The following SPATC1L variants were observed in gnomAD, a reference collection of about 807,000 sequenced individuals.
SPATC1L encodes the protein speriolin-like protein.
Under a neutral mutation model 21.2 loss-of-function variants are expected in SPATC1L, and 20 were observed. The observed-to-expected ratio is 0.94, with a 90% CI of 0.66 to 1.37. The LOEUF (loss-of-function observed/expected upper bound fraction) is 1.37. SPATC1L is among the 40% of genes most tolerant of loss of function. The pLI, the probability that SPATC1L is intolerant of heterozygous loss-of-function variation, is 0.00. For synonymous variants in SPATC1L, 290 were observed against 234.5 expected (o/e 1.24, Z -2.16); for missense variants, 499 against 478.7 (o/e 1.04, Z -0.40).
chr21:46,162,246 A>G (rs2079504841), intron 3 of SPATC1L, among the ~76,000 whole-genome samples, 179 bp from the exon 4 acceptor site: 1 of 152,102 alleles, frequency 6.6e-6, no homozygotes, highest in African/African-American at 2.4e-5. Context: ...GCCAAAGGGC[A>G]AGCCAGCCTT....
At chr21:46,164,189 G>A (rs1004672300) in intron 3 of SPATC1L, among the ~76,000 whole-genome samples, 5 of 151,984 alleles carry the variant, frequency 3.3e-5, no homozygotes, top group South Asian at 2.1e-4. Flanking sequence ...GGTGGTGGGG[G>A]GTTGGTAGAG....
chr21:46,176,158 T>C (rs1328035438), intron 2 of SPATC1L, among the ~76,000 whole-genome samples: 6 of 152,100 alleles, frequency 3.9e-5, no homozygotes, highest in Admixed American at 3.9e-4. Flanking sequence ...TACCTCAAAA[T>C]AGTAAGAGCT....
At chr21:46,161,867 G>T in intron 4 of SPATC1L, 49 bp downstream of exon 4, 1 of 1,586,596 alleles carries the variant, frequency 6.3e-7, no homozygotes. Context: ...CACAGGGACG[G>T]ACCGAGCGCC....
At position 46,168,651 on chromosome 21, in the gene SPATC1L, A is replaced by G. The variant is rs2079559548; in HGVS notation, c.201T>C (p.Asp67=). The change falls in exon 3 of 5, where the codon GAT becomes GAC. Residue 67 remains aspartate (D), a synonymous_variant. Coordinates refer to ENST00000291672, the MANE Select transcript of SPATC1L (RefSeq NM_001142854.2). ...CGGCAACACTCGTGAACCTTCCGAAATCTGGAACTGAGGCGGGGAGGAAAG... is the reference window on the plus strand; with the variant it reads ...CGGCAACACTCGTGAACCTTCCGAAGTCTGGAACTGAGGCGGGGAGGAAAG... ...EAGSPGSGVP[D]FGRFTSVADT... is the part of the protein sequence containing the mutation. The G allele has an allele frequency of 7.3e-7, 1 of 1,361,432 alleles. No individual in the cohort carries two copies. Among genetic ancestry groups the G allele is most frequent in the Admixed American group, 3.1e-5 (1 of 32,418 alleles). 84.3% of individuals were successfully genotyped at this position (1,361,432 alleles called of 1,614,324 possible).
At position 46,182,627 on chromosome 21, in the gene SPATC1L, C is replaced by T. The variant is rs549793422; in HGVS notation, c.190G>A (p.Gly64Arg). 4.6e-3 allele frequency: 6,953 copies of T among 1,502,056 alleles called. 34 individuals carry two copies. The highest frequency in any genetic ancestry group is 4.6e-3 in the Non-Finnish European group (5,123 of 1,125,652). 93.0% of individuals were successfully genotyped at this position (1,502,056 alleles called of 1,614,324 possible). A position where few individuals can be genotyped will look rare whatever the true frequency, so the allele number is the denominator to read the frequency against. ...TCTGAGCTGGGCGGCGCCTCACCTCCGCTCCCGGGGGAGCCGGCCTCAGGG... is the reference window on the plus strand; with the variant it reads ...TCTGAGCTGGGCGGCGCCTCACCTCTGCTCCCGGGGGAGCCGGCCTCAGGG... ...AYPEAGSPGS[G>R]VPDFGRFTSV... Residue 64 changes from glycine to arginine, a missense_variant, in exon 2 of 5, where the codon GGA becomes AGA. Gly to Arg is a moderately radical substitution (Grantham distance 125, BLOSUM62 -2). Transcript: ENST00000291672.
chr21:46,163,670 C>A (rs1481034112), intron 3 of SPATC1L, among the ~76,000 whole-genome samples: 1 of 152,234 alleles, frequency 6.6e-6, no homozygotes, highest in African/African-American at 2.4e-5. Flanking sequence ...TTATTTCTGA[C>A]CTTCCCATTC....
chr21:46,162,718 T>C (rs1252976417), intron 3 of SPATC1L, among the ~76,000 whole-genome samples: 2 of 151,514 alleles, frequency 1.3e-5, no homozygotes, highest in Non-Finnish European at 2.9e-5. Flanking sequence ...TCCAGAGTAG[T>C]GGGACTACAG....
chr21:46,174,644 A>G (rs2079618899), intron 2 of SPATC1L, among the ~76,000 whole-genome samples: 1 of 152,234 alleles, frequency 6.6e-6, no homozygotes, highest in South Asian at 2.1e-4. Context: ...CCAACACAAG[A>G]GCACCAAGAT....
chr21:46,172,648 G>C (rs2079602614), intron 2 of SPATC1L, among the ~76,000 whole-genome samples: 1 of 152,190 alleles, frequency 6.6e-6, no homozygotes, highest in East Asian at 1.9e-4. Flanking sequence ...CCCGAGTTCT[G>C]AGTAATAAGG....
intron 2 of SPATC1L, among the ~76,000 whole-genome samples, chr21:46,168,875 C>T (rs564783696): frequency 1.1e-4 from 16 of 152,240 alleles, no homozygotes; most frequent in South Asian, 6.2e-4. Context: ...CCATCCTGCC[C>T]GTGGGAGCAC....
At chr21:46,177,361 T>C (rs1419252954) in intron 2 of SPATC1L, among the ~76,000 whole-genome samples, 1 of 152,102 alleles carries the variant, frequency 6.6e-6, no homozygotes, top group Non-Finnish European at 1.5e-5. Context: ...AACTAATGCA[T>C]CTGACAAAGG....
At chr21:46,174,344 C>A (rs148298709) in intron 2 of SPATC1L, among the ~76,000 whole-genome samples, 6,120 of 68,062 alleles carry the variant, frequency 0.09, 345 homozygotes, top group Middle Eastern at 0.12. Context: ...AAAAACAAAA[C>A]AAAAAAAAAA....
rs757295688 is a variant in SPATC1L, at chr21:46,161,589, G to A, written c.813C>T (p.His271=). The change falls in exon 5 of 5, where the codon CAC becomes CAT. Residue 271 remains histidine (H), a synonymous_variant. Coordinates refer to ENST00000291672, the MANE Select transcript of SPATC1L (RefSeq NM_001142854.2). ...TGATGAGGAACTCGCTGAACGCCGG[G>A]TGCACGTCGCGGCTGTAGCCCAGCT... ...LEKLGYSRDV[H]PAFSEFLINT... 4.3e-6 allele frequency: 7 copies of A among 1,610,484 alleles called. No homozygotes were observed. Among genetic ancestry groups the A allele is most frequent in the South Asian group, 2.2e-5 (2 of 90,772 alleles).
At chr21:46,180,975 G>A (rs1238034917) in intron 2 of SPATC1L, among the ~76,000 whole-genome samples, 1 of 152,228 alleles carries the variant, frequency 6.6e-6, no homozygotes, top group African/African-American at 2.4e-5. Context: ...CCTGACAAGG[G>A]TCCCTCTGGG....
At position 46,182,788 on chromosome 21, in the gene SPATC1L, C is replaced by T. The variant is rs1001552831; in HGVS notation, c.29G>A (p.Arg10Gln). The T allele has an allele frequency of 1.3e-5, 20 of 1,544,960 alleles. No homozygotes were observed. In the Admixed American group the frequency reaches 1.8e-4, roughly 14 times the overall value. The change falls in exon 2 of 5, where the codon CGG (arginine) becomes CAG (glutamine). Residue 10 changes from arginine (R) to glutamine (Q), a missense_variant. By Grantham distance (43) the Arg-to-Gln change is conservative. Transcript: ENST00000291672. ...CAGGTCCGCGTTCTCGCTCAGGAGC[C>T]GGCTCATCAGCTCGCCGCCTTCAGC... Reference protein sequence around the residue: MAEGGELMSRLLSENADLKK... With the variant: MAEGGELMSQLLSENADLKK...
intron 2 of SPATC1L, among the ~76,000 whole-genome samples, chr21:46,171,939 G>GAAAA (rs66628257): frequency 5.9e-5 from 4 of 67,820 alleles, no homozygotes; most frequent in Admixed American, 5.3e-4. Context: ...ATAACCCCCA[G>GAAAA]AAAAAAAAAA....
At chr21:46,179,541 C>A (rs745613308) in intron 2 of SPATC1L, among the ~76,000 whole-genome samples, 1 of 152,182 alleles carries the variant, frequency 6.6e-6, no homozygotes, top group Admixed American at 6.5e-5. Context: ...TCATCCGAAT[C>A]GGCAATATTG....
chr21:46,168,436 G>T lies in SPATC1L; in HGVS notation c.416C>A (p.Pro139His). The T allele has an allele frequency of 1.2e-6, 2 of 1,610,452 alleles. No individual in the cohort carries two copies. Among genetic ancestry groups the T allele is most frequent in the South Asian group, 2.2e-5 (2 of 90,404 alleles). ...TDRKLSPLLS[P>H]LQDSLVDKTL... ...CTTGTCCACCAGTGAGTCTTGCAAG[G>T]GGCTCAGGAGCGGGGACAGCTTCCT... is the stretch of plus-strand genomic sequence containing the variant. The change falls in exon 3 of 5, where the codon CCC becomes CAC. Residue 139 changes from proline to histidine, a missense_variant. Pro to His is a moderately conservative substitution (Grantham distance 77). Transcript: ENST00000291672.
chr21:46,184,097 G>A (rs2079704968), intron 1 of SPATC1L, among the ~76,000 whole-genome samples: 1 of 151,388 alleles, frequency 6.6e-6, no homozygotes, highest in Non-Finnish European at 1.5e-5. Context: ...CTCACTCCCT[G>A]ATGAGAAGGG....
Sources: gnomAD v4.1 joint callset for allele counts (sites outside exome capture counted in the v4.1 genomes callset) on GRCh38, gnomAD v4.1.1 for gene constraint, MANE v1.5 for transcripts, NCBI Gene and HGNC (gene_info 2026-07-23, HGNC 2026-07-21) for gene names.